The following IQUB variants were observed in gnomAD, a reference collection of about 807,000 sequenced individuals.
IQUB encodes IQ motif and ubiquitin domain containing.
In IQUB, 86 loss-of-function variants were observed where a neutral mutation model predicts 86.4. The observed-to-expected ratio is 1.00, with a 90% CI of 0.84 to 1.19. The LOEUF is 1.19. IQUB is among the 50% of genes most tolerant of loss of function. IQUB has a pLI of 0.00. For synonymous variants in IQUB, 289 were observed against 304.5 expected, an observed-to-expected ratio of 0.95 and a Z score of 0.53; for missense variants, 946 against 916.9, an observed-to-expected ratio of 1.03 and a Z score of -0.41.
intron 10 of IQUB, 64 bp downstream of exon 10, chr7:123,464,769 C>A: frequency 8.8e-7 from 1 of 1,136,220 alleles, no homozygotes; most frequent in Non-Finnish European, 1.2e-6. Flanking sequence ...TTTGAATATA[C>A]TTCAATTTAC....
At chr7:123,503,743 A>G (rs990337763) in intron 3 of IQUB, among the ~76,000 whole-genome samples, 20 of 151,866 alleles carry the variant, frequency 1.3e-4, no homozygotes, top group African/African-American at 4.3e-4. Context: ...CTATTAATAT[A>G]TTTACTCATA....
intron 7 of IQUB, among the ~76,000 whole-genome samples, chr7:123,481,545 T>C (rs1795002086): frequency 6.6e-6 from 1 of 152,086 alleles, no homozygotes; most frequent in African/African-American, 2.4e-5. Flanking sequence ...GGGGAATTTC[T>C]AAAAGATATA....
At chr7:123,484,334 C>T (rs1347864189) in intron 7 of IQUB, among the ~76,000 whole-genome samples, 1 of 151,984 alleles carries the variant, frequency 6.6e-6, no homozygotes, top group Non-Finnish European at 1.5e-5. Flanking sequence ...ACCAAAAGAA[C>T]TTTAAGAACT....
In IQUB at chr7:123,503,297, A is replaced by T; in HGVS notation, c.599T>A (p.Val200Glu). 1 of 1,603,736 alleles carries T rather than the reference A, an allele frequency of 6.2e-7. No individual in the cohort carries two copies. The highest frequency in any genetic ancestry group is 1.1e-5 in the South Asian group (1 of 90,436). Reference sequence around the variant, plus strand: ...ATCTGGATTTGTAGAAAAGATTTCCACTTGTACAATTTCCTGTGGCTTAAC... The same window carrying T: ...ATCTGGATTTGTAGAAAAGATTTCCTCTTGTACAATTTCCTGTGGCTTAAC... ...HGVKPQEIVQVEIFSTNPDLY... is the reference protein window; with the variant it reads ...HGVKPQEIVQEEIFSTNPDLY... Residue 200 changes from valine to glutamate, a missense_variant, in exon 4 of 13, where the codon GTG becomes GAG. Val to Glu is a moderately radical substitution (Grantham distance 121, BLOSUM62 -2). Coordinates refer to ENST00000324698, the MANE Select transcript of IQUB (RefSeq NM_178827.5).
intron 1 of IQUB, among the ~76,000 whole-genome samples, chr7:123,531,378 C>T (rs1797532429): frequency 1.3e-5 from 2 of 152,100 alleles, no homozygotes; most frequent in South Asian, 4.1e-4. Context: ...ATCCTAGGTA[C>T]TGCTTGGAGG....
At chr7:123,483,305 TC>T (rs1795084059) in intron 7 of IQUB, among the ~76,000 whole-genome samples, 1 of 152,096 alleles carries the variant, frequency 6.6e-6, no homozygotes, top group African/African-American at 2.4e-5. Context: ...TGTGGACTTA[TC>T]AGCTGGTTTA....
intron 3 of IQUB, among the ~76,000 whole-genome samples, chr7:123,504,979 A>T (rs1796112853): frequency 6.6e-6 from 1 of 152,242 alleles, no homozygotes; most frequent in South Asian, 2.1e-4. Flanking sequence ...GATACAATGG[A>T]GATATAGGCA....
intron 8 of IQUB, among the ~76,000 whole-genome samples, chr7:123,472,928 A>G (rs1794596735): frequency 6.6e-6 from 1 of 152,216 alleles, no homozygotes; most frequent in Non-Finnish European, 1.5e-5. Context: ...GAGCATAATA[A>G]ATTCCATTTA....
chr7:123,488,040 TAACA>T (rs944516008), intron 7 of IQUB, among the ~76,000 whole-genome samples: 23 of 152,028 alleles, frequency 1.5e-4, no homozygotes, highest in African/African-American at 4.6e-4. Flanking sequence ...GTGGACAGCA[TAACA>T]AACAATTTTC....
chr7:123,527,689 C>T lies in IQUB; in HGVS notation c.-5+6803G>A, dbSNP rs1249089850. Among the ~76,000 whole-genome samples the T allele has an allele frequency of 7.2e-5, 11 of 152,240 alleles. No homozygotes were observed. In the East Asian group the frequency reaches 9.7e-4, roughly 13 times the overall value. Reference sequence around the variant, plus strand: ...CTGCCCGTTCTCAGATCTCCAGCTGCGTGCTGGGAGAACCACTGCTCTCTT... The same window carrying T: ...CTGCCCGTTCTCAGATCTCCAGCTGTGTGCTGGGAGAACCACTGCTCTCTT... On this transcript the variant is annotated intron_variant, in intron 1 of 12. Coordinates refer to ENST00000324698, the MANE Select transcript of IQUB (RefSeq NM_178827.5).
rs1780390170 is a variant in IQUB, at chr7:123,452,285, A to G, written c.*458T>C. On this transcript the variant is annotated 3_prime_UTR_variant, in exon 13 of 13. Coordinates refer to ENST00000324698, the MANE Select transcript of IQUB (RefSeq NM_178827.5). ...AAGATTCAAATGCCTATACTAAAAT[A>G]TAAATTTTTTTATCCTACTTAAAGA... 6.6e-6 allele frequency: 1 copy of G among 152,394 alleles called. No individual in the cohort carries two copies. The highest frequency in any genetic ancestry group is 1.5e-5 in the Non-Finnish European group (1 of 68,078). The allele number at this position is 152,394 out of a possible 1,614,324, so 9.4% of individuals were successfully genotyped here.
chr7:123,493,721 A>ATGTGTGTGTGTGTGTG (rs753344642), intron 7 of IQUB, among the ~76,000 whole-genome samples: 4 of 128,344 alleles, frequency 3.1e-5, no homozygotes, highest in African/African-American at 1.2e-4. Flanking sequence ...CCTGAGAGAA[A>ATGTGTGTGTGTGTGTG]TGTGTGTGTA....
chr7:123,454,751 TTTC>T (rs1165152784), intron 12 of IQUB, among the ~76,000 whole-genome samples: 1 of 152,120 alleles, frequency 6.6e-6, no homozygotes. Flanking sequence ...TGTCCTGTGT[TTTC>T]TTCATTATTA....
rs563108948 is a variant in IQUB, at chr7:123,498,693, G to A, written c.1024-1787C>T. Among the ~76,000 whole-genome samples, 21 of 152,270 alleles carry A rather than the reference G, an allele frequency of 1.4e-4. No individual in the cohort carries two copies. In the East Asian group the frequency reaches 1.5e-3, roughly 11 times the overall value. On this transcript the variant is annotated intron_variant, in intron 6 of 12. Transcript: ENST00000324698. ...GCTTCCTACTTATATGTCCCAGATG[G>A]CTGGTCCACTTACCATCTTCCAACC...
intron 3 of IQUB, among the ~76,000 whole-genome samples, chr7:123,505,038 G>C (rs546814854): frequency 5.9e-5 from 9 of 152,262 alleles, no homozygotes; most frequent in Admixed American, 5.9e-4. Context: ...CAAAACAAAG[G>C]GGCTACACAT....
chr7:123,461,685 C>A, intron 10 of IQUB, 80 bp from the exon 11 acceptor site: 2 of 1,194,220 alleles, frequency 1.7e-6, no homozygotes, highest in Non-Finnish European at 2.2e-6. Flanking sequence ...ATGGAAGCAT[C>A]AAAGGCTAAC....
chr7:123,490,771 C>T (rs1204804011), intron 7 of IQUB, among the ~76,000 whole-genome samples: 1 of 152,114 alleles, frequency 6.6e-6, no homozygotes, highest in Non-Finnish European at 1.5e-5. Flanking sequence ...TCATGAGCAG[C>T]CTGACCAACA....
intron 2 of IQUB, among the ~76,000 whole-genome samples, chr7:123,510,536 A>C (rs1454150445): frequency 6.6e-6 from 1 of 152,154 alleles, no homozygotes; most frequent in Non-Finnish European, 1.5e-5. Context: ...TCATGAATAT[A>C]GGAGGGAAAT....
In IQUB at chr7:123,503,365, T is replaced by G. The variant is rs202047597; in HGVS notation, c.533-2A>C. The stretch of plus-strand genomic sequence containing the variant: ...TCTCATTATTTTTAAGAATTTTTCC[T>G]AAAAATTGAAATAAAATTTTTAAAA... On this transcript the variant is annotated splice_acceptor_variant, in intron 3 of 12. Transcript: ENST00000324698. LOFTEE classifies it high-confidence loss of function. The G allele has an allele frequency of 1.0e-4, 151 of 1,454,776 alleles. No homozygotes were observed. The highest frequency in any genetic ancestry group is 1.3e-4 in the Non-Finnish European group (144 of 1,073,822). 90.1% of individuals were successfully genotyped at this position (1,454,776 alleles called of 1,614,324 possible).
Sources: gnomAD v4.1 joint callset for allele counts (sites outside exome capture counted in the v4.1 genomes callset) on GRCh38, gnomAD v4.1.1 for gene constraint, MANE v1.5 for transcripts, NCBI Gene and HGNC (gene_info 2026-07-23, HGNC 2026-07-21) for gene names.